The following SYNPO2 variants were observed in gnomAD, a reference collection of about 807,000 sequenced individuals.
The protein encoded by SYNPO2 is synaptopodin-2.
In SYNPO2, 56 loss-of-function variants were observed where a neutral mutation model predicts 85.0. The observed-to-expected ratio is 0.66, with a 90% CI of 0.53 to 0.82. SYNPO2 has a LOEUF of 0.82. SYNPO2 is among the 40% of genes least tolerant of loss of function. The probability of loss-of-function intolerance (pLI) is 0.00; values close to 1 mark genes in which losing one functional copy is unlikely to be tolerated. For missense variants in SYNPO2, 1,575 were observed against 1,534.2 expected, an observed-to-expected ratio of 1.03 and a Z score of -0.44; for synonymous variants, 602 against 591.1, an observed-to-expected ratio of 1.02 and a Z score of -0.27.
intron 1 of SYNPO2, among the ~76,000 whole-genome samples, chr4:118,994,407 G>A (rs549010315): frequency 7.9e-5 from 12 of 152,308 alleles, no homozygotes; most frequent in South Asian, 6.2e-4. Context: ...TGAGCTTGGC[G>A]TTCAGAACAT....
At chr4:118,984,610 T>C (rs181882849) in intron 1 of SYNPO2, among the ~76,000 whole-genome samples, 80 of 152,322 alleles carry the variant, frequency 5.3e-4, no homozygotes, top group African/African-American at 1.9e-3. Context: ...GGTGTCTTTC[T>C]TCATCCCAAA....
intron 1 of SYNPO2, among the ~76,000 whole-genome samples, chr4:118,960,515 G>C (rs1735042076): frequency 6.6e-6 from 1 of 152,016 alleles, no homozygotes; most frequent in Non-Finnish European, 1.5e-5. Flanking sequence ...AATATATTAG[G>C]TAAATGTATC....
At chr4:118,899,743 T>C (rs1002820771) in intron 1 of SYNPO2, among the ~76,000 whole-genome samples, 2 of 152,194 alleles carry the variant, frequency 1.3e-5, no homozygotes, top group African/African-American at 4.8e-5. Flanking sequence ...TATTAAACCC[T>C]GGCTGTACTT....
At position 119,060,533 on chromosome 4, in the gene SYNPO2, G is replaced by A. The variant is rs575997337; in HGVS notation, c.*2599G>A. On this transcript the variant is annotated 3_prime_UTR_variant, in exon 5 of 5. Coordinates refer to ENST00000307142, the MANE Select transcript of SYNPO2 (RefSeq NM_133477.3). ...TGGTTGAGACAAGACACCTGCCAGA[G>A]TGAAGTTTGATTCCTATGGGTGAGA... 6.6e-6 allele frequency: 1 copy of A among 152,192 alleles called. No homozygotes were observed. Among genetic ancestry groups the A allele is most frequent in the Non-Finnish European group, 1.5e-5 (1 of 68,022 alleles). The allele number at this position is 152,192 out of a possible 1,614,324, so 9.4% of individuals were successfully genotyped here. A position where few individuals can be genotyped will look rare whatever the true frequency, so the allele number is the denominator to read the frequency against.
chr4:118,961,485 T>C (rs1266596247), intron 1 of SYNPO2, among the ~76,000 whole-genome samples: 1 of 152,164 alleles, frequency 6.6e-6, no homozygotes, highest in Non-Finnish European at 1.5e-5. Context: ...CATCTCTGCG[T>C]CTTCATTACT....
Position 118,859,907 on chromosome 4 carries a change from G to A in SYNPO2, c.12+8967G>A, listed in dbSNP as rs561846022. ...AGTGCAGATCTCTCTTTGATATACTGATTTCCTTTCTTTTGGATGTATACC... is the reference window on the plus strand; with the variant it reads ...AGTGCAGATCTCTCTTTGATATACTAATTTCCTTTCTTTTGGATGTATACC... On this transcript the variant is annotated intron_variant, in intron 1 of 4. Transcript: ENST00000610556. Among the ~76,000 whole-genome samples the A allele has an allele frequency of 9.2e-5, 14 of 152,056 alleles. No homozygotes were observed. The South Asian group carries it at 2.1e-3, about 23-fold the overall frequency.
chr4:118,965,922 ATT>A (rs1273959328), intron 1 of SYNPO2, among the ~76,000 whole-genome samples: 10 of 124,422 alleles, frequency 8.0e-5, no homozygotes, highest in African/African-American at 1.5e-4. Flanking sequence ...TCACTACAAG[ATT>A]TTTTTTAAAA....
Position 119,031,182 on chromosome 4 carries a change from G to A in SYNPO2, c.2407G>A (p.Val803Ile). The A allele has an allele frequency of 1.2e-6, 2 of 1,614,086 alleles. No individual in the cohort carries two copies. The highest frequency in any genetic ancestry group is 1.7e-6 in the Non-Finnish European group (2 of 1,180,016). Residue 803 changes from valine (V) to isoleucine (I), a missense_variant, in exon 4 of 5, where the codon GTC becomes ATC. Physicochemically the swap from Val to Ile is conservative, Grantham distance 29. Coordinates refer to ENST00000307142, the MANE Select transcript of SYNPO2 (RefSeq NM_133477.3). ...ATCCAACCCATCAAAGGGCACCGTT[G>A]TCTCCTCCATCAAAATAGCCCAGCC... ...PTSNPSKGTV[V>I]SSIKIAQPSY... is the part of the protein sequence containing the mutation.
At chr4:118,935,670 T>A (rs998002565) in intron 1 of SYNPO2, among the ~76,000 whole-genome samples, 11 of 152,370 alleles carry the variant, frequency 7.2e-5, no homozygotes, top group Admixed American at 7.2e-4. Context: ...GTATAACTTT[T>A]GACTCCCCCA....
At position 118,854,823 on chromosome 4, in the gene SYNPO2, G is replaced by T. The variant is rs184646892; in HGVS notation, c.12+3883G>T. Among the ~76,000 whole-genome samples, 186 of 152,168 alleles carry T rather than the reference G, an allele frequency of 1.2e-3. 2 individuals carry two copies. Among genetic ancestry groups the T allele is most frequent in the African/African-American group, 4.2e-3 (176 of 41,552 alleles). On this transcript the variant is annotated intron_variant, in intron 1 of 4. Transcript: ENST00000610556. ...CTTTGTACATACACACAGAGTAATT[G>T]AACTATATAATTTGTATACACCTAA...
chr4:118,887,164 T>TGA (rs1553935336), upstream of SYNPO2, among the ~76,000 whole-genome samples: 19,338 of 130,992 alleles, frequency 0.15, 1,448 homozygotes, highest in Non-Finnish European at 0.2. Flanking sequence ...CCCATCTGAG[T>TGA]GAGTGTGTGT....
At chr4:119,049,535 G>A (rs17050134) in intron 4 of SYNPO2, among the ~76,000 whole-genome samples, 3,021 of 152,208 alleles carry the variant, frequency 0.02, 112 homozygotes, top group African/African-American at 0.069. Context: ...TTTGACTCAC[G>A]ACACATACAT....
intron 1 of SYNPO2, among the ~76,000 whole-genome samples, chr4:118,896,844 A>C (rs1732564811): frequency 6.6e-6 from 1 of 152,196 alleles, no homozygotes; most frequent in Non-Finnish European, 1.5e-5. Context: ...TTGTGTCTCT[A>C]GATTATGTAA....
chr4:118,950,072 C>A (rs1361163699), intron 1 of SYNPO2, among the ~76,000 whole-genome samples: 1 of 144,404 alleles, frequency 6.9e-6, no homozygotes. Flanking sequence ...AGATGACATT[C>A]TGTTAAAAGA....
intron 2 of SYNPO2, 113 bp from the exon 3 acceptor site, chr4:119,026,511 TAGA>T: frequency 8.6e-7 from 1 of 1,158,674 alleles, no homozygotes; most frequent in East Asian, 2.4e-5. Context: ...AACTGACATT[TAGA>T]AGAAAATATT....
intron 1 of SYNPO2, among the ~76,000 whole-genome samples, chr4:118,851,348 G>A (rs1054406987): frequency 1.3e-5 from 2 of 152,122 alleles, no homozygotes; most frequent in Non-Finnish European, 2.9e-5. Flanking sequence ...TTAGCCTGGC[G>A]TGGTGGTGCA....
intron 4 of SYNPO2, 31 bp downstream of exon 4, chr4:119,032,058 T>A: frequency 6.2e-7 from 1 of 1,609,746 alleles, no homozygotes; most frequent in Non-Finnish European, 8.5e-7. Context: ...GGAAGAGTAA[T>A]CTTGTAGCTG....
chr4:118,864,536 G>A (rs1258007000), intron 1 of SYNPO2, among the ~76,000 whole-genome samples: 1 of 152,186 alleles, frequency 6.6e-6, no homozygotes, highest in African/African-American at 2.4e-5. Flanking sequence ...TGAAAGTAGG[G>A]TGTTGAAGTC....
intron 1 of SYNPO2, among the ~76,000 whole-genome samples, chr4:118,999,296 G>A (rs1270340191): frequency 6.6e-6 from 1 of 151,968 alleles, no homozygotes; most frequent in Admixed American, 6.6e-5. Flanking sequence ...CTACAGGCAC[G>A]TGCCACTGTG....
Sources: allele counts gnomAD v4.1 joint callset (sites outside exome capture counted in the v4.1 genomes callset), GRCh38; gene constraint gnomAD v4.1.1; transcripts MANE v1.5; gene names NCBI Gene and HGNC (gene_info 2026-07-23, HGNC 2026-07-21).